Variants in GRM1 observed in about 807,000 individuals in gnomAD.
GRM1 encodes the protein glutamate metabotropic receptor 1.
Under a neutral mutation model 90.9 loss-of-function variants are expected in GRM1, and 33 were observed. The ratio of observed to expected loss-of-function variants is 0.36; its 90% CI spans 0.28 to 0.49. The LOEUF is 0.49. Ranked by LOEUF, GRM1 falls within the 20% of genes least tolerant of loss-of-function variation. GRM1 has a pLI of 0.99. For synonymous variants in GRM1, 700 were observed against 613.2 expected (o/e 1.14, Z -2.09); for missense variants, 1,190 against 1,534.3 (o/e 0.78, Z 3.75).
intron 2 of GRM1, among the ~76,000 whole-genome samples, chr6:146,234,074 A>G (rs938562114): frequency 5.9e-5 from 9 of 151,890 alleles, no homozygotes; most frequent in Admixed American, 2.0e-4. Context: ...TTGTTTAGTA[A>G]TTGTTTTCAA....
chr6:146,306,912 G>C (rs1783597739), intron 3 of GRM1, among the ~76,000 whole-genome samples: 1 of 152,172 alleles, frequency 6.6e-6, no homozygotes, highest in South Asian at 2.1e-4. Flanking sequence ...GAAAGTCCAA[G>C]AGGCTGATTT....
At chr6:146,206,843 T>C (rs1289158017) in intron 2 of GRM1, among the ~76,000 whole-genome samples, 2 of 152,092 alleles carry the variant, frequency 1.3e-5, no homozygotes, top group Admixed American at 6.6e-5. Context: ...CTGTTGTTTC[T>C]TTCTTTGTGT....
At chr6:146,161,025 G>GT (rs1047993662) in intron 2 of GRM1, among the ~76,000 whole-genome samples, 1 of 152,150 alleles carries the variant, frequency 6.6e-6, no homozygotes, top group Non-Finnish European at 1.5e-5. Flanking sequence ...TCTTTTAGGA[G>GT]TGAAAAGAAG....
chr6:146,385,994 A>G (rs1403009792), intron 5 of GRM1, among the ~76,000 whole-genome samples: 1 of 152,064 alleles, frequency 6.6e-6, no homozygotes, highest in East Asian at 1.9e-4. Flanking sequence ...AAGGCAAAAA[A>G]CAAAGAACAT....
At chr6:146,209,298 C>T (rs1220018183) in intron 2 of GRM1, among the ~76,000 whole-genome samples, 2 of 152,078 alleles carry the variant, frequency 1.3e-5, no homozygotes, top group East Asian at 3.9e-4. Context: ...AATAGAAAAT[C>T]ATCCACCTGG....
chr6:146,229,462 A>G (rs974144050), intron 2 of GRM1, among the ~76,000 whole-genome samples: 5 of 151,236 alleles, frequency 3.3e-5, no homozygotes, highest in Admixed American at 2.7e-4. Flanking sequence ...AGAGAGCAGA[A>G]TAGAGAGGGC....
At chr6:146,292,740 T>C (rs1003280929) in intron 2 of GRM1, among the ~76,000 whole-genome samples, 2 of 151,950 alleles carry the variant, frequency 1.3e-5, no homozygotes, top group Non-Finnish European at 2.9e-5. Context: ...AGAATTACCA[T>C]ATGACCCAGC....
intron 2 of GRM1, among the ~76,000 whole-genome samples, chr6:146,240,044 T>A (rs988393277): frequency 2.0e-5 from 3 of 152,008 alleles, no homozygotes; most frequent in Non-Finnish European, 4.4e-5. Context: ...TTGTGAGATG[T>A]CTGGGGAAAC....
In GRM1 at chr6:146,435,310, C is replaced by G. The variant is rs759722588; in HGVS notation, c.*514C>G. The G allele has an allele frequency of 4.6e-6, 1 of 217,886 alleles. No individual in the cohort carries two copies. The highest frequency in any genetic ancestry group is 9.2e-6 in the Non-Finnish European group (1 of 108,458). 13.5% of individuals were successfully genotyped at this position (217,886 alleles called of 1,614,324 possible). Reference sequence around the variant, plus strand: ...GGGCCCAGGCCAGACCCATCCCAAACGGATGATGGGATGATGGGACAGCAG... The same window carrying G: ...GGGCCCAGGCCAGACCCATCCCAAAGGGATGATGGGATGATGGGACAGCAG... On this transcript the variant is annotated 3_prime_UTR_variant, in exon 8 of 8. Coordinates refer to ENST00000282753, the MANE Select transcript of GRM1 (RefSeq NM_001278064.2).
At chr6:146,431,249 C>A (rs887969695) in intron 7 of GRM1, among the ~76,000 whole-genome samples, 1 of 152,154 alleles carries the variant, frequency 6.6e-6, no homozygotes, top group Non-Finnish European at 1.5e-5. Flanking sequence ...ACGAAAGTTA[C>A]CAGTTTTGAA....
At chr6:146,404,608 G>GA (rs1336492087) in intron 7 of GRM1, among the ~76,000 whole-genome samples, 4 of 152,164 alleles carry the variant, frequency 2.6e-5, no homozygotes, top group African/African-American at 9.7e-5. Context: ...TTTATATAGA[G>GA]AAAATAACAT....
At chr6:146,119,535 T>C (rs1247553736) in intron 1 of GRM1, among the ~76,000 whole-genome samples, 2 of 152,198 alleles carry the variant, frequency 1.3e-5, no homozygotes, top group Non-Finnish European at 2.9e-5. Context: ...TCCTGAATGG[T>C]ATTGCCTAGG....
chr6:146,226,128 G>A (rs1040505284), intron 2 of GRM1, among the ~76,000 whole-genome samples: 1 of 152,116 alleles, frequency 6.6e-6, no homozygotes, highest in African/African-American at 2.4e-5. Flanking sequence ...ATTGGCTAAG[G>A]GATAGGGATA....
intron 3 of GRM1, among the ~76,000 whole-genome samples, chr6:146,338,536 T>C (rs748165351): frequency 2.0e-5 from 3 of 152,270 alleles, no homozygotes; most frequent in Middle Eastern, 3.4e-3. Context: ...CTTATGTATG[T>C]TTAAAATAGT....
intron 1 of GRM1, among the ~76,000 whole-genome samples, chr6:146,159,083 C>T (rs1777619015): frequency 6.6e-6 from 1 of 152,174 alleles, no homozygotes; most frequent in Admixed American, 6.5e-5. Context: ...TAAAATAGGG[C>T]AGCAATCCTT....
rs752682312 is a variant in GRM1, at chr6:146,434,177, C to A, written c.2966C>A (p.Pro989Gln). Reference protein sequence around the residue: ...HRRVPSAATTPPLPSHLTAEE... With the variant: ...HRRVPSAATTQPLPSHLTAEE... ...CGCGTGCCAAGCGCGGCGACCACTC[C>A]GCCTCTGCCGTCCCACCTGACCGCA... Residue 989 changes from proline (P) to glutamine (Q), a missense_variant, in exon 8 of 8, where the codon CCG (proline) becomes CAG (glutamine). This residue lies in a region of GRM1 where 400 missense variants were observed against 360.8 expected (regional missense o/e 1.11). Coordinates refer to ENST00000282753, the MANE Select transcript of GRM1 (RefSeq NM_001278064.2). The A allele has an allele frequency of 6.2e-7, 1 of 1,613,506 alleles. No individual in the cohort carries two copies. The highest frequency in any genetic ancestry group is 1.3e-5 in the African/African-American group (1 of 75,034).
chr6:146,308,559 A>G (rs1783662089), intron 3 of GRM1, among the ~76,000 whole-genome samples: 1 of 152,196 alleles, frequency 6.6e-6, no homozygotes, highest in African/African-American at 2.4e-5. Context: ...ACAATCTTTA[A>G]TCAATCACCC....
chr6:146,165,607 G>A lies in GRM1; in HGVS notation c.950+6010G>A, dbSNP rs1777877936. ...GACTTGGCCTTTTCTCAGCTCCCAA[G>A]GGCAGGAAATTATTACAAACCTGCA... On this transcript the variant is annotated intron_variant, in intron 2 of 7. Transcript: ENST00000282753. Among the ~76,000 whole-genome samples the A allele has an allele frequency of 2.0e-5, 3 of 152,048 alleles. No homozygotes were observed. The South Asian group carries it at 6.2e-4, about 31-fold the overall frequency.
At chr6:146,354,186 G>A (rs143914047) in intron 4 of GRM1, among the ~76,000 whole-genome samples, 300 of 152,322 alleles carry the variant, frequency 2.0e-3, no homozygotes, top group Admixed American at 5.3e-3. Context: ...GTTTTGACTG[G>A]AATGCGAGTG....
Sources: gnomAD v4.1 joint callset for allele counts (sites outside exome capture counted in the v4.1 genomes callset) on GRCh38, gnomAD v4.1.1 for gene constraint, gnomAD v4.1.1 regional missense constraint, MANE v1.5 for transcripts, NCBI Gene and HGNC (gene_info 2026-07-23, HGNC 2026-07-21) for gene names.